Variants in TOGARAM1 observed in about 807,000 individuals in gnomAD.
The protein encoded by TOGARAM1 is TOG array regulator of axonemal microtubules 1.
Under a neutral mutation model 166.6 loss-of-function variants are expected in TOGARAM1, and 100 were observed. The observed-to-expected ratio is 0.60, with a 90% CI of 0.51 to 0.71. The LOEUF (loss-of-function observed/expected upper bound fraction) is 0.71, where lower values mean the gene tolerates loss of function less well. Ranked by LOEUF, TOGARAM1 falls within the 30% of genes least tolerant of loss-of-function variation. TOGARAM1 has a pLI of 0.00. For synonymous variants in TOGARAM1, 758 were observed against 763.8 expected, an observed-to-expected ratio of 0.99 and a Z score of 0.13; for missense variants, 2,029 against 2,102.7, an observed-to-expected ratio of 0.96 and a Z score of 0.69.
chr14:45,037,139 G>A (rs1030668169), intron 11 of TOGARAM1, among the ~76,000 whole-genome samples: 1 of 152,172 alleles, frequency 6.6e-6, no homozygotes, highest in African/African-American at 2.4e-5. Context: ...CTGTCAGCCA[G>A]GGACCCTCTC....
intron 14 of TOGARAM1, among the ~76,000 whole-genome samples, chr14:45,047,096 A>C (rs925910054): frequency 6.6e-6 from 1 of 152,226 alleles, no homozygotes; most frequent in African/African-American, 2.4e-5. Context: ...TACACATGAA[A>C]AATACAGGAA....
At chr14:45,039,404 G>A (rs527920206) in intron 11 of TOGARAM1, among the ~76,000 whole-genome samples, 52 of 152,220 alleles carry the variant, frequency 3.4e-4, no homozygotes, top group African/African-American at 1.1e-3. Context: ...TTGAAGGTAC[G>A]GCTTCACCTG....
chr14:45,062,116 G>C (rs1387333055), intron 16 of TOGARAM1, among the ~76,000 whole-genome samples: 1 of 152,010 alleles, frequency 6.6e-6, no homozygotes, highest in African/African-American at 2.4e-5. Flanking sequence ...GTTGAATGTA[G>C]TATTCTATAA....
chr14:45,055,707 G>A (rs1882595522), intron 16 of TOGARAM1, among the ~76,000 whole-genome samples: 1 of 151,172 alleles, frequency 6.6e-6, no homozygotes, highest in South Asian at 2.1e-4. Flanking sequence ...GGGAGGCTGA[G>A]GCAGGAGAAT....
chr14:44,968,996 A>G (rs1325100451), intron 1 of TOGARAM1, among the ~76,000 whole-genome samples: 4 of 152,148 alleles, frequency 2.6e-5, no homozygotes, highest in African/African-American at 9.7e-5. Flanking sequence ...AGAATGTCAC[A>G]TACTTGGAGT....
intron 14 of TOGARAM1, among the ~76,000 whole-genome samples, chr14:45,048,445 A>G (rs957015684): frequency 6.6e-6 from 1 of 152,172 alleles, no homozygotes; most frequent in Non-Finnish European, 1.5e-5. Flanking sequence ...TCTGGAGTTA[A>G]TATTATGGAA....
intron 10 of TOGARAM1, among the ~76,000 whole-genome samples, chr14:45,030,688 C>T (rs1454987243): frequency 6.6e-6 from 1 of 152,048 alleles, no homozygotes; most frequent in Non-Finnish European, 1.5e-5. Context: ...ACTGATTTAT[C>T]ACTATAGTAA....
intron 5 of TOGARAM1, chr14:45,007,003 T>C (rs1594647700): frequency 6.6e-6 from 1 of 152,164 alleles, no homozygotes; most frequent in Non-Finnish European, 1.5e-5. Flanking sequence ...TGTATTACTT[T>C]GGTTTCAGAG....
Position 45,068,607 on chromosome 14 carries a change from G to A in TOGARAM1, c.4933G>A (p.Ala1645Thr), listed in dbSNP as rs1193548819. 1 of 1,611,284 alleles carries A rather than the reference G, an allele frequency of 6.2e-7. No homozygotes were observed. The highest frequency in any genetic ancestry group is 1.7e-5 in the Admixed American group (1 of 59,642). Reference sequence around the variant, plus strand: ...CAAGAATCCAGGCATCTATGCGGCTGCTACAAATGTTGTTCAGGCACTGAG... The same window carrying A: ...CAAGAATCCAGGCATCTATGCGGCTACTACAAATGTTGTTCAGGCACTGAG... Reference protein sequence around the residue: ...NSKNPGIYAAATNVVQALSQH... With the variant: ...NSKNPGIYAATTNVVQALSQH... The change falls in exon 18 of 20, where the codon GCT becomes ACT. Residue 1645 changes from alanine to threonine, a missense_variant. By Grantham distance (58) the Ala-to-Thr change is moderately conservative. Transcript: ENST00000361462.
At chr14:44,983,250 G>A (rs774606176) in intron 1 of TOGARAM1, among the ~76,000 whole-genome samples, 10 of 152,172 alleles carry the variant, frequency 6.6e-5, no homozygotes, top group Non-Finnish European at 1.5e-4. Flanking sequence ...ATAGAGAGAG[G>A]TTAGCTTTGG....
chr14:45,041,664 C>T (rs1881733787), intron 11 of TOGARAM1, among the ~76,000 whole-genome samples: 1 of 152,218 alleles, frequency 6.6e-6, no homozygotes, highest in African/African-American at 2.4e-5. Flanking sequence ...TTCCCCTCTT[C>T]CTAATCTGAA....
At chr14:45,067,651 GAAGAA>G (rs1163981392) in intron 17 of TOGARAM1, among the ~76,000 whole-genome samples, 3 of 151,930 alleles carry the variant, frequency 2.0e-5, no homozygotes, top group Non-Finnish European at 4.4e-5. Context: ...TCAGTTTTCT[GAAGAA>G]AAGAACCATA....
chr14:45,073,489 T>C lies in TOGARAM1; in HGVS notation c.5250T>C (p.Ala1750=), dbSNP rs763732332. ...TGGGTCAGAATCTGTTAAATCAGGC[T>C]GCATCTCAACCACCACATATCAAAA... is the stretch of plus-strand genomic sequence containing the variant. ...AQMGQNLLNQ[A]ASQPPHIKKS... The change falls in exon 20 of 20, where the codon GCT becomes GCC. Residue 1750 remains alanine (A), a synonymous_variant. Coordinates refer to ENST00000361462, the MANE Select transcript of TOGARAM1 (RefSeq NM_001308120.2). 1 of 1,614,130 alleles carries C rather than the reference T, an allele frequency of 6.2e-7. No individual in the cohort carries two copies. The highest frequency in any genetic ancestry group is 1.1e-5 in the South Asian group (1 of 91,078).
chr14:45,043,887 T>A (rs542566860), intron 12 of TOGARAM1, 96 bp downstream of exon 12: 59 of 669,850 alleles, frequency 8.8e-5, no homozygotes, highest in Non-Finnish European at 1.5e-4. Context: ...AACAACTCTG[T>A]ACCATATGAT....
At chr14:45,049,839 A>G (rs1211363377) in intron 14 of TOGARAM1, among the ~76,000 whole-genome samples, 1 of 152,226 alleles carries the variant, frequency 6.6e-6, no homozygotes, top group Non-Finnish European at 1.5e-5. Context: ...CTTGTTAAAA[A>G]AAAAAAGATT....
intron 18 of TOGARAM1, among the ~76,000 whole-genome samples, chr14:45,071,152 C>A (rs1458791032): frequency 6.6e-6 from 1 of 152,068 alleles, no homozygotes; most frequent in Non-Finnish European, 1.5e-5. Context: ...AAACTCCTGA[C>A]CTTGTGATCT....
intron 13 of TOGARAM1, among the ~76,000 whole-genome samples, chr14:45,046,171 T>C (rs1882057052): frequency 6.6e-6 from 1 of 152,102 alleles, no homozygotes; most frequent in Admixed American, 6.6e-5. Context: ...TGGTGGCTCA[T>C]ACCTGTAATC....
chr14:45,003,354 A>G (rs145175395), intron 3 of TOGARAM1, among the ~76,000 whole-genome samples: 396 of 152,262 alleles, frequency 2.6e-3, no homozygotes, highest in African/African-American at 9.0e-3. Context: ...TAGACTTTTT[A>G]TATTCGTTGA....
rs773675390 is a variant in TOGARAM1 at position 44,963,549 on chromosome 14, G to C, written c.1128G>C (p.Lys376Asn). ...KNRTQAVEELKQVLGKFNPSS... is the reference protein window; with the variant it reads ...KNRTQAVEELNQVLGKFNPSS... ...GGACCCAGGCCGTCGAAGAACTAAA[G>C]CAGGTGCTGGGAAAATTTAACCCTA... The change falls in exon 1 of 20, where the codon AAG becomes AAC. Residue 376 changes from lysine (K) to asparagine (N), a missense_variant. Transcript: ENST00000361462. The C allele has an allele frequency of 6.2e-7, 1 of 1,613,932 alleles. No homozygotes were observed. The highest frequency in any genetic ancestry group is 1.1e-5 in the South Asian group (1 of 91,072).
Sources: gnomAD v4.1 joint callset for allele counts (sites outside exome capture counted in the v4.1 genomes callset) on GRCh38, gnomAD v4.1.1 for gene constraint, MANE v1.5 for transcripts, NCBI Gene and HGNC (gene_info 2026-07-23, HGNC 2026-07-21) for gene names.